Variants in ADGRE2 observed in about 807,000 individuals in gnomAD.
ADGRE2 encodes CD97 antigen.
A neutral mutation model predicts 100.8 loss-of-function variants in ADGRE2; 83 were observed. The ratio of observed to expected loss-of-function variants is 0.82; its 90% CI spans 0.69 to 0.99. ADGRE2 has a LOEUF of 0.99. ADGRE2 is among the 50% of genes least tolerant of loss of function. The pLI, the probability that ADGRE2 is intolerant of heterozygous loss-of-function variation, is 0.00. For missense variants in ADGRE2, 814 were observed against 1,035.7 expected (o/e 0.79, Z 2.94); for synonymous variants, 355 against 413.0 (o/e 0.86, Z 1.70).
chr19:14,767,247 T>A, intron 5 of ADGRE2, 138 bp from the exon 6 acceptor site: 9 of 1,461,776 alleles, frequency 6.2e-6, no homozygotes, highest in Non-Finnish European at 8.2e-6. Flanking sequence ...TCTTTCTTTT[T>A]TTTTTTTTTG....
At chr19:14,724,441 T>G in the ADGRE2 span, among the ~76,000 whole-genome samples, 1 of 152,148 alleles carries the variant, frequency 6.6e-6, no homozygotes, top group African/African-American at 2.4e-5. Context: ...TCACACTTGG[T>G]TGATTTATTG....
rs535081148 is a variant in ADGRE2, at chr19:14,760,113, C to A, written c.1085-3768G>T. 5.3e-5 allele frequency among the ~76,000 whole-genome samples: 8 copies of A among 152,224 alleles called. No individual in the cohort carries two copies. In the East Asian group the frequency reaches 1.5e-3, roughly 29 times the overall value. ...GATTACAGGCGTGAGCCACCGTGCC[C>A]GGCCCAAGTTCTATTGTTTGACAGC... On this transcript the variant is annotated intron_variant, in intron 11 of 20. Transcript: ENST00000315576.
downstream of ADGRE2, among the ~76,000 whole-genome samples, chr19:14,728,144 C>T (rs911116411): frequency 2.0e-5 from 3 of 152,128 alleles, no homozygotes; most frequent in African/African-American, 7.2e-5. Context: ...GCCTGGGAAG[C>T]GGAGCTTGCA....
intron 11 of ADGRE2, among the ~76,000 whole-genome samples, chr19:14,756,903 G>GT (rs2043518427): frequency 7.0e-6 from 1 of 143,386 alleles, no homozygotes. Context: ...TTATAGGAAA[G>GT]TTTTTTGAGT....
chr19:14,774,100 A>C (rs146076476), intron 3 of ADGRE2, 46 bp from the exon 4 acceptor site: 28,967 of 1,549,728 alleles, frequency 0.019, 994 homozygotes, highest in African/African-American at 0.13. Flanking sequence ...GTAAGGGAAT[A>C]CACAAAAAGG....
intron 11 of ADGRE2, among the ~76,000 whole-genome samples, chr19:14,759,842 G>A (rs8102242): frequency 0.28 from 34,741 of 122,764 alleles, 4,115 homozygotes; most frequent in South Asian, 0.49. Flanking sequence ...TTTTTGAGAC[G>A]GAGTCTCACT....
downstream of ADGRE2, chr19:14,731,297 T>G: frequency 2.7e-5 from 28 of 1,043,936 alleles, no homozygotes; most frequent in Non-Finnish European, 3.7e-5. Flanking sequence ...AATCTGCAGA[T>G]TCTGAAGCTT....
chr19:14,729,134 G>C (rs974680712), downstream of ADGRE2, among the ~76,000 whole-genome samples: 9 of 152,088 alleles, frequency 5.9e-5, no homozygotes, highest in Non-Finnish European at 7.4e-5. Flanking sequence ...TAGTAACTTG[G>C]GGCAGGGAGG....
intron 11 of ADGRE2, among the ~76,000 whole-genome samples, chr19:14,761,091 TC>T (rs370887075): frequency 6.6e-6 from 1 of 152,062 alleles, no homozygotes; most frequent in African/African-American, 2.4e-5. Flanking sequence ...ATGTCTCATG[TC>T]CCCCTAAAAT....
intron 11 of ADGRE2, among the ~76,000 whole-genome samples, chr19:14,759,622 A>G (rs978737585): frequency 3.4e-5 from 5 of 149,042 alleles, no homozygotes; most frequent in African/African-American, 1.2e-4. Context: ...TCAGCTTCCC[A>G]GGTAGCTGGG....
intron 4 of ADGRE2, among the ~76,000 whole-genome samples, 198 bp from the exon 5 acceptor site, chr19:14,772,695 G>C (rs2044255251): frequency 6.7e-6 from 1 of 149,132 alleles, no homozygotes; most frequent in African/African-American, 2.5e-5. Flanking sequence ...TCTCTGGCTG[G>C]CATCCTAGAT....
At chr19:14,729,132 TG>T (rs1247320263), downstream of ADGRE2, among the ~76,000 whole-genome samples, 3 of 152,076 alleles carry the variant, frequency 2.0e-5, no homozygotes, top group African/African-American at 7.2e-5. Context: ...TATAGTAACT[TG>T]GGGCAGGGAG....
intron 18 of ADGRE2, among the ~76,000 whole-genome samples, chr19:14,744,303 A>G (rs902154807): frequency 6.6e-6 from 1 of 152,104 alleles, no homozygotes; most frequent in Non-Finnish European, 1.5e-5. Flanking sequence ...TTCATGAACT[A>G]CACAGTCTCT....
chr19:14,755,638 C>A lies in ADGRE2; in HGVS notation c.1416+16G>T. ...CTCAGACTATTCACCCACCAACCAA[C>A]TCCACCAGCACTCACACGGTGGGAG... On this transcript the variant is annotated intron_variant, in intron 13 of 20. Coordinates refer to ENST00000315576, the MANE Select transcript of ADGRE2 (RefSeq NM_013447.4). 6.2e-7 allele frequency: 1 copy of A among 1,611,542 alleles called. No individual in the cohort carries two copies. Among genetic ancestry groups the A allele is most frequent in the Non-Finnish European group, 8.5e-7 (1 of 1,177,616 alleles).
Position 14,778,515 on chromosome 19 carries a change from A to C in ADGRE2, c.-430T>G. The C allele has an allele frequency of 1.1e-6, 1 of 887,430 alleles. No individual in the cohort carries two copies. The highest frequency in any genetic ancestry group is 1.4e-6 in the Non-Finnish European group (1 of 740,272). The allele number at this position is 887,430 out of a possible 1,614,324, so 55.0% of individuals were successfully genotyped here. On this transcript the variant is annotated 5_prime_UTR_variant, in exon 1 of 21. Transcript: ENST00000315576. The stretch of plus-strand genomic sequence containing the variant: ...ATGCCAGGCAGGTGCCAAGAAGAGA[A>C]GCTTCACCGCACAGAGCAGACCCCC...
At chr19:14,728,530 C>T (rs2042647993), downstream of ADGRE2, among the ~76,000 whole-genome samples, 1 of 152,108 alleles carries the variant, frequency 6.6e-6, no homozygotes, top group South Asian at 2.1e-4. Flanking sequence ...TTTCTTGAAG[C>T]ACATCACTTA....
chr19:14,766,170 G>A (rs779949978), intron 7 of ADGRE2, 65 bp downstream of exon 7: 25 of 1,611,638 alleles, frequency 1.6e-5, no homozygotes, highest in Non-Finnish European at 2.0e-5. Flanking sequence ...GGTTTGTGTG[G>A]GCGCCGTTGA....
rs996253582 is a variant in ADGRE2 at position 14,764,235 on chromosome 19, GATTT to G, written c.1084+194_1084+197del. 9.8e-5 allele frequency among the ~76,000 whole-genome samples: 3 copies of G among 30,656 alleles called. No individual in the cohort carries two copies. In the Admixed American group the frequency reaches 1.2e-3, roughly 12 times the overall value. 20.1% of individuals were successfully genotyped at this position (30,656 alleles called of 152,430 possible). ...GCCATCACATCTGTCTAATTTAAAAGATTTTTTTTTTTTTGTAGAGATTGAGTAT... is the reference window on the plus strand; with the variant it reads ...GCCATCACATCTGTCTAATTTAAAAGTTTTTTTTTTGTAGAGATTGAGTAT... On this transcript the variant is annotated intron_variant, in intron 11 of 20. Transcript: ENST00000315576.
rs1229384515 is a variant in ADGRE2, at chr19:14,775,064, G to A, written c.32-758C>T. On this transcript the variant is annotated intron_variant, in intron 2 of 20. Transcript: ENST00000315576. The stretch of plus-strand genomic sequence containing the variant: ...GTTGCCCAGGCTGGAATGCAGTGGT[G>A]CAATCTTGGCTCACTGCAATCTCCA... 2.0e-5 allele frequency among the ~76,000 whole-genome samples: 3 copies of A among 150,832 alleles called. No individual in the cohort carries two copies. In the East Asian group the frequency reaches 5.9e-4, roughly 30 times the overall value.
Sources: allele counts gnomAD v4.1 joint callset (sites outside exome capture counted in the v4.1 genomes callset), GRCh38; gene constraint gnomAD v4.1.1; transcripts MANE v1.5; gene names NCBI Gene and HGNC (gene_info 2026-07-23, HGNC 2026-07-21).